Variants in PTPN14 observed in about 807,000 individuals in gnomAD.
PTPN14 encodes the protein protein tyrosine phosphatase non-receptor type 14.
Under a neutral mutation model 126.8 loss-of-function variants are expected in PTPN14, and 53 were observed. That is an observed-to-expected ratio of 0.42 (90% CI 0.34 to 0.53). The LOEUF is 0.53. PTPN14 is among the 20% of genes least tolerant of loss of function. The probability of loss-of-function intolerance (pLI) is 0.08; values close to 1 mark genes in which losing one functional copy is unlikely to be tolerated. For missense variants in PTPN14, 1,257 were observed against 1,552.9 expected (o/e 0.81, Z 3.20); for synonymous variants, 630 against 599.3 (o/e 1.05, Z -0.75).
At chr1:214,538,028 A>G (rs914003742) in intron 1 of PTPN14, among the ~76,000 whole-genome samples, 4 of 152,376 alleles carry the variant, frequency 2.6e-5, no homozygotes, top group African/African-American at 9.6e-5. Flanking sequence ...TGACACTGAC[A>G]GCAATATCCC....
At position 214,390,985 on chromosome 1, in the gene PTPN14, T is replaced by TA. The variant is rs762694305; in HGVS notation, c.987+2dup. Reference sequence around the variant, plus strand: ...ACTTGATCACTGCAGCTTCTATACATACCAGAGAGGATCGGCTCCAGGTGG... The same window carrying TA: ...ACTTGATCACTGCAGCTTCTATACATAACCAGAGAGGATCGGCTCCAGGTGG... On this transcript the variant is annotated splice_region_variant and intron_variant, in intron 11 of 18. Transcript: ENST00000366956. The TA allele has an allele frequency of 6.4e-7, 1 of 1,556,960 alleles. No individual in the cohort carries two copies. The highest frequency in any genetic ancestry group is 8.8e-7 in the Non-Finnish European group (1 of 1,137,144).
chr1:214,406,017 C>T (rs1201332199), intron 5 of PTPN14, among the ~76,000 whole-genome samples: 1 of 152,142 alleles, frequency 6.6e-6, no homozygotes, highest in East Asian at 1.9e-4. Flanking sequence ...GGGGCAGGGG[C>T]TGAAAGTGGA....
chr1:214,384,262 G>A lies in PTPN14; in HGVS notation c.1593C>T (p.Ser531=), dbSNP rs190602934. 554 of 1,614,116 alleles carry A rather than the reference G, an allele frequency of 3.4e-4. No homozygotes were observed. Among genetic ancestry groups the A allele is most frequent in the Admixed American group, 1.4e-3 (83 of 60,022 alleles). ...NNVVPSKPGA[S]AISHTVSTPE... is the part of the protein sequence containing the mutation. ...GGGTGCTCACCGTGTGCGAGATGGC[G>A]CTTGCCCCCGGCTTGCTTGGTACCA... Residue 531 remains serine, a synonymous_variant, in exon 13 of 19, where the codon AGC becomes AGT. Transcript: ENST00000366956. The surrounding 1 kb of genome is among the most constrained non-coding windows in gnomAD (Gnocchi z 5.3).
intron 1 of PTPN14, among the ~76,000 whole-genome samples, chr1:214,501,834 C>T (rs935185021): frequency 1.1e-4 from 16 of 151,978 alleles, no homozygotes; most frequent in Non-Finnish European, 1.5e-4. Context: ...CCAAGGCCGG[C>T]GGATCACAAG....
intron 1 of PTPN14, among the ~76,000 whole-genome samples, chr1:214,517,798 A>T (rs1655146366): frequency 6.6e-6 from 1 of 152,098 alleles, no homozygotes; most frequent in Non-Finnish European, 1.5e-5. Flanking sequence ...TACAAAAATT[A>T]TCCAGGAGTC....
intron 3 of PTPN14, among the ~76,000 whole-genome samples, chr1:214,415,305 C>T (rs1458996609): frequency 6.6e-6 from 1 of 152,212 alleles, no homozygotes; most frequent in African/African-American, 2.4e-5. Context: ...TGGACAGAAT[C>T]GTGCCCAAAC....
chr1:214,493,830 T>A (rs1173784635), intron 1 of PTPN14, among the ~76,000 whole-genome samples: 1 of 152,208 alleles, frequency 6.6e-6, no homozygotes, highest in Non-Finnish European at 1.5e-5. Context: ...TCACAGAACA[T>A]ATTCTTGTTG....
chr1:214,401,699 T>C lies in PTPN14; in HGVS notation c.655A>G (p.Ile219Val). 2.5e-6 allele frequency: 4 copies of C among 1,578,912 alleles called. No individual in the cohort carries two copies. The highest frequency in any genetic ancestry group is 3.5e-6 in the Non-Finnish European group (4 of 1,149,138). ...VERLDGFGQE[I>V]FPVKDNHGNC... ...CAGCATATTACCTTTACAGGGAAGA[T>C]TTCCTGTCCAAATCCATCCAAACGT... Residue 219 changes from isoleucine (I) to valine (V), a missense_variant, in exon 7 of 19, where the codon ATC becomes GTC. Ile to Val is a conservative substitution (Grantham distance 29). This residue lies in a region of PTPN14 where 1,021 missense variants were observed against 1,183.3 expected (regional missense o/e 0.86). Coordinates refer to ENST00000366956, the MANE Select transcript of PTPN14 (RefSeq NM_005401.5).
Position 214,464,893 on chromosome 1 carries a change from A to T in PTPN14, c.-90T>A. 2 of 1,489,702 alleles carry T rather than the reference A, an allele frequency of 1.3e-6. No individual in the cohort carries two copies. Among genetic ancestry groups the T allele is most frequent in the Non-Finnish European group, 1.8e-6 (2 of 1,093,108 alleles). The allele number at this position is 1,489,702 out of a possible 1,614,324, so 92.3% of individuals were successfully genotyped here. A position where few individuals can be genotyped will look rare whatever the true frequency, so the allele number is the denominator to read the frequency against. On this transcript the variant is annotated 5_prime_UTR_variant, in exon 2 of 19. Transcript: ENST00000366956. The stretch of plus-strand genomic sequence containing the variant: ...AGTTTCGTGACTGGAAAATTACACT[A>T]TCACCTGTGCTCCTCCAGGCAGGGA...
chr1:214,402,834 C>T lies in PTPN14; in HGVS notation c.581+49G>A, dbSNP rs576101610. ...AGATGGATGCCTCCTGCCCCATGGG[C>T]TGTAAACATCTGTTGTGCAGGCAGC... On this transcript the variant is annotated intron_variant, in intron 6 of 18. Coordinates refer to ENST00000366956, the MANE Select transcript of PTPN14 (RefSeq NM_005401.5). The T allele has an allele frequency of 6.9e-6, 11 of 1,590,098 alleles. No homozygotes were observed. In the Admixed American group the frequency reaches 1.0e-4, roughly 14 times the overall value.
chr1:214,475,321 C>T (rs991924988), intron 1 of PTPN14, among the ~76,000 whole-genome samples: 1 of 152,090 alleles, frequency 6.6e-6, no homozygotes, highest in Non-Finnish European at 1.5e-5. Context: ...ATAGTTTTTC[C>T]CTTCCTTATT....
intron 1 of PTPN14, among the ~76,000 whole-genome samples, chr1:214,535,647 C>T (rs948862282): frequency 6.6e-6 from 1 of 151,920 alleles, no homozygotes; most frequent in South Asian, 2.1e-4. Context: ...GGCCTGGTGG[C>T]GCATGCCGGT....
intron 3 of PTPN14, among the ~76,000 whole-genome samples, chr1:214,450,982 T>C (rs549434962): frequency 1.1e-4 from 16 of 152,288 alleles, no homozygotes; most frequent in Admixed American, 9.2e-4. Context: ...TCTCCTCTTA[T>C]TTAGTAGGGA....
chr1:214,374,473 C>T (rs1658294905), intron 15 of PTPN14, among the ~76,000 whole-genome samples: 1 of 152,186 alleles, frequency 6.6e-6, no homozygotes, highest in Non-Finnish European at 1.5e-5. Context: ...TGGGGCCTTT[C>T]AGTATATTCC....
chr1:214,394,073 A>C (rs920158807), intron 9 of PTPN14, among the ~76,000 whole-genome samples: 11 of 152,250 alleles, frequency 7.2e-5, no homozygotes, highest in Non-Finnish European at 1.6e-4. Flanking sequence ...GTGCTTTCAA[A>C]ATAAATAACT....
intron 1 of PTPN14, among the ~76,000 whole-genome samples, chr1:214,508,539 G>A (rs887720897): frequency 4.6e-5 from 7 of 152,066 alleles, no homozygotes; most frequent in African/African-American, 1.4e-4. Context: ...TACTTCCTCT[G>A]CTAAAGTTTG....
chr1:214,438,637 T>A (rs1328910368), intron 3 of PTPN14, among the ~76,000 whole-genome samples: 1 of 152,202 alleles, frequency 6.6e-6, no homozygotes, highest in African/African-American at 2.4e-5. Flanking sequence ...ATTTGGGTTT[T>A]ACTAATCATT....
intron 2 of PTPN14, among the ~76,000 whole-genome samples, 193 bp downstream of exon 2, chr1:214,464,437 A>G (rs529290128): frequency 2.6e-5 from 4 of 152,326 alleles, no homozygotes; most frequent in Admixed American, 1.3e-4. Flanking sequence ...GCGGTGTTCA[A>G]GTCTCCCCAT....
chr1:214,490,222 C>T (rs750441503), intron 1 of PTPN14, among the ~76,000 whole-genome samples: 3 of 152,144 alleles, frequency 2.0e-5, no homozygotes, highest in Non-Finnish European at 2.9e-5. Flanking sequence ...TTAGGTTTTT[C>T]CACAAAGTTA....
Sources: gnomAD v4.1 joint callset for allele counts (sites outside exome capture counted in the v4.1 genomes callset) on GRCh38, gnomAD v4.1.1 for gene constraint, gnomAD v4.1.1 regional missense constraint, Gnocchi (gnomAD v3.1) non-coding constraint, MANE v1.5 for transcripts, NCBI Gene and HGNC (gene_info 2026-07-23, HGNC 2026-07-21) for gene names.